RAPGEF5: variants seen among roughly 807,000 people sequenced by gnomAD.
The protein encoded by RAPGEF5 is Rap guanine nucleotide exchange factor 5.
In RAPGEF5, 65 loss-of-function variants were observed where a neutral mutation model predicts 125.2. That is an observed-to-expected ratio of 0.52 (90% CI 0.43 to 0.64). The LOEUF is 0.64. Ranked by LOEUF, RAPGEF5 falls within the 30% of genes least tolerant of loss-of-function variation. The pLI is 0.00. For missense variants in RAPGEF5, 958 were observed against 1,048.1 expected, an observed-to-expected ratio of 0.91 and a Z score of 1.19; for synonymous variants, 391 against 385.9, an observed-to-expected ratio of 1.01 and a Z score of -0.16.
At chr7:22,299,875 G>A (rs1562516700) in intron 5 of RAPGEF5, among the ~76,000 whole-genome samples, 1 of 147,814 alleles carries the variant, frequency 6.8e-6, no homozygotes, top group East Asian at 2.0e-4. Context: ...TACTCCTCCT[G>A]TAGGTAATGT....
At chr7:22,301,475 C>T (rs899394631) in intron 5 of RAPGEF5, among the ~76,000 whole-genome samples, 2 of 151,798 alleles carry the variant, frequency 1.3e-5, no homozygotes, top group South Asian at 4.2e-4. Flanking sequence ...ATTAGCTGGG[C>T]GTGGTGGCGG....
intron 1 of RAPGEF5, among the ~76,000 whole-genome samples, chr7:22,318,905 C>T (rs1397805289): frequency 6.6e-6 from 1 of 151,702 alleles, no homozygotes; most frequent in Non-Finnish European, 1.5e-5. Context: ...CCATAAGCTC[C>T]TTGAGGGAGG....
chr7:22,348,642 C>T (rs927153988), intron 1 of RAPGEF5, among the ~76,000 whole-genome samples: 1 of 152,208 alleles, frequency 6.6e-6, no homozygotes. Context: ...CTGACAGCTA[C>T]TCTGCTCAAG....
chr7:22,281,402 G>A (rs944659046), intron 6 of RAPGEF5, among the ~76,000 whole-genome samples: 1 of 152,114 alleles, frequency 6.6e-6, no homozygotes, highest in Non-Finnish European at 1.5e-5. Flanking sequence ...TGTAGAGACA[G>A]GTTCTCACTT....
intron 5 of RAPGEF5, among the ~76,000 whole-genome samples, chr7:22,291,696 T>C (rs1015877734): frequency 2.6e-5 from 4 of 152,238 alleles, no homozygotes; most frequent in Admixed American, 6.5e-5. Flanking sequence ...GGTATTATTA[T>C]AGGCCTAATA....
chr7:22,202,008 C>T (rs1440790307), intron 9 of RAPGEF5, among the ~76,000 whole-genome samples: 1 of 152,144 alleles, frequency 6.6e-6, no homozygotes, highest in Non-Finnish European at 1.5e-5. Flanking sequence ...CACTGTAAAT[C>T]AGAATGGCTC....
chr7:22,287,038 C>A (rs1364597508), intron 6 of RAPGEF5, among the ~76,000 whole-genome samples: 1 of 152,186 alleles, frequency 6.6e-6, no homozygotes, highest in Non-Finnish European at 1.5e-5. Flanking sequence ...AGTTAGAATG[C>A]GGAAAGTCAC....
intron 25 of RAPGEF5, 112 bp downstream of exon 25, chr7:22,125,492 T>C (rs915509783): frequency 6.4e-5 from 64 of 996,522 alleles, no homozygotes; most frequent in Non-Finnish European, 8.6e-5. Flanking sequence ...CGTATGTATA[T>C]ACATATGATA....
intron 6 of RAPGEF5, among the ~76,000 whole-genome samples, chr7:22,285,611 G>A (rs1377986485): frequency 1.3e-5 from 2 of 152,114 alleles, no homozygotes; most frequent in East Asian, 1.9e-4. Flanking sequence ...TCACCAAGAA[G>A]GACAAACTAA....
chr7:22,280,179 C>A (rs1749309859), intron 6 of RAPGEF5, among the ~76,000 whole-genome samples: 1 of 152,136 alleles, frequency 6.6e-6, no homozygotes, highest in African/African-American at 2.4e-5. Context: ...CCAATCCACA[C>A]AATGGCCTCA....
At chr7:22,164,825 C>A (rs566314533) in intron 12 of RAPGEF5, among the ~76,000 whole-genome samples, 1 of 152,200 alleles carries the variant, frequency 6.6e-6, no homozygotes, top group South Asian at 2.1e-4. Context: ...GAATTTAATG[C>A]TCTTTATGAT....
In RAPGEF5 at chr7:22,355,569, G is replaced by A. The variant is rs1784405859; in HGVS notation, c.231+1261C>T. Among the ~76,000 whole-genome samples, 11 of 152,172 alleles carry A rather than the reference G, an allele frequency of 7.2e-5. No individual in the cohort carries two copies. In the South Asian group the frequency reaches 2.3e-3, roughly 32 times the overall value. On this transcript the variant is annotated intron_variant, in intron 1 of 25. Coordinates refer to ENST00000665637, the MANE Select transcript of RAPGEF5 (RefSeq NM_012294.5). ...AATGCCACACATGTTAAGGTCACTT[G>A]TGGGCAATTCCTAAACTCTCTGGGT... is the stretch of plus-strand genomic sequence containing the variant.
intron 7 of RAPGEF5, among the ~76,000 whole-genome samples, chr7:22,249,186 C>A (rs572703529): frequency 6.6e-6 from 1 of 151,928 alleles, no homozygotes; most frequent in Non-Finnish European, 1.5e-5. Context: ...AGTTATTTAC[C>A]CTTTTTGTTT....
chr7:22,284,920 TTATGA>T (rs1162155352), intron 6 of RAPGEF5, among the ~76,000 whole-genome samples: 1 of 152,208 alleles, frequency 6.6e-6, no homozygotes, highest in Non-Finnish European at 1.5e-5. Flanking sequence ...GATCCTTGAC[TTATGA>T]TGGGGTTACA....
chr7:22,329,672 G>A (rs955954967), intron 1 of RAPGEF5, among the ~76,000 whole-genome samples: 18 of 152,218 alleles, frequency 1.2e-4, no homozygotes, highest in African/African-American at 3.6e-4. Context: ...TGGGTTCTGT[G>A]TCATAGCTAG....
chr7:22,308,168 G>C (rs1783387599), intron 5 of RAPGEF5, among the ~76,000 whole-genome samples, 171 bp downstream of exon 5: 1 of 152,180 alleles, frequency 6.6e-6, no homozygotes, highest in Non-Finnish European at 1.5e-5. Flanking sequence ...TTATTAGCTG[G>C]ATTTAATTTT....
At chr7:22,248,654 G>C (rs201877287) in intron 7 of RAPGEF5, among the ~76,000 whole-genome samples, 2 of 152,134 alleles carry the variant, frequency 1.3e-5, no homozygotes, top group African/African-American at 4.8e-5. Context: ...CCCCAGCAGC[G>C]CAGGGAAGCT....
intron 3 of RAPGEF5, among the ~76,000 whole-genome samples, chr7:22,310,313 C>CAAAT (rs1783439943): frequency 6.6e-6 from 1 of 152,150 alleles, no homozygotes; most frequent in Non-Finnish European, 1.5e-5. Flanking sequence ...TTCATCAAAT[C>CAAAT]ACCTAAAATT....
At chr7:22,224,055 T>C (rs1224865809) in intron 8 of RAPGEF5, among the ~76,000 whole-genome samples, 1 of 152,144 alleles carries the variant, frequency 6.6e-6, no homozygotes, top group Non-Finnish European at 1.5e-5. Flanking sequence ...AAACAAACAG[T>C]AGGCTGTGGT....
Sources: gnomAD v4.1 joint callset for allele counts (sites outside exome capture counted in the v4.1 genomes callset) on GRCh38, gnomAD v4.1.1 for gene constraint, MANE v1.5 for transcripts, NCBI Gene and HGNC (gene_info 2026-07-23, HGNC 2026-07-21) for gene names.